GAPDH: variants seen among roughly 807,000 people sequenced by gnomAD.
GAPDH encodes OCAS, p38 component.
GAPDH carries 13 observed loss-of-function variants against 31.2 expected under a neutral mutation model. The ratio of observed to expected loss-of-function variants is 0.42; its 90% CI spans 0.27 to 0.66. The LOEUF (loss-of-function observed/expected upper bound fraction) is 0.66. Among genes scored for constraint, GAPDH ranks in the 30% least tolerant of loss-of-function variants. The pLI is 0.26. For missense variants in GAPDH, 300 were observed against 443.7 expected (o/e 0.68, Z 2.91); for synonymous variants, 211 against 166.9 (o/e 1.26, Z -2.04).
Position 6,536,575 on chromosome 12 carries a change from C to A in GAPDH, c.111C>A (p.Phe37Leu). Residue 37 changes from phenylalanine (F) to leucine (L), a missense_variant, in exon 3 of 9, where the codon TTC becomes TTA. Phe to Leu is a conservative substitution (Grantham distance 22). Coordinates refer to ENST00000229239, the MANE Select transcript of GAPDH (RefSeq NM_002046.7). ...KVDIVAINDP[F>L]IDLNYMVYMF... is the part of the protein sequence containing the mutation. Reference sequence around the variant, plus strand: ...ATATTGTTGCCATCAATGACCCCTTCATTGACCTCAACTACATGGTGAGTG... The same window carrying A: ...ATATTGTTGCCATCAATGACCCCTTAATTGACCTCAACTACATGGTGAGTG... 1 of 1,613,802 alleles carries A rather than the reference C, an allele frequency of 6.2e-7. No individual in the cohort carries two copies. Among genetic ancestry groups the A allele is most frequent in the East Asian group, 2.2e-5 (1 of 44,884 alleles).
In GAPDH at chr12:6,538,230, G is replaced by A; in HGVS notation, c.*60G>A. On this transcript the variant is annotated 3_prime_UTR_variant, in exon 9 of 9. Coordinates refer to ENST00000229239, the MANE Select transcript of GAPDH (RefSeq NM_002046.7). ...GAGGAAGAGAGAGACCCTCACTGCT[G>A]GGGAGTCCCTGCCACACTCAGTCCC... 1 of 1,367,322 alleles carries A rather than the reference G, an allele frequency of 7.3e-7. No homozygotes were observed. The highest frequency in any genetic ancestry group is 1.0e-6 in the Non-Finnish European group (1 of 970,616). 84.7% of individuals were successfully genotyped at this position (1,367,322 alleles called of 1,614,324 possible).
At chr12:6,534,595 G>A in intron 1 of GAPDH, 26 bp downstream of exon 1, 1 of 562,290 alleles carries the variant, frequency 1.8e-6, no homozygotes, top group South Asian at 2.1e-5. Flanking sequence ...GAGAAACCCG[G>A]GAGGCTAGGG....
chr12:6,536,369 T>C (rs1034235925), intron 2 of GAPDH, 125 bp from the exon 3 acceptor site: 3 of 722,904 alleles, frequency 4.1e-6, no homozygotes, highest in Non-Finnish European at 7.3e-6. Context: ...AAATTCAACC[T>C]CTTGGGCCCT....
At chr12:6,536,306 T>C (rs1196312419) in intron 2 of GAPDH, among the ~76,000 whole-genome samples, 188 bp from the exon 3 acceptor site, 2 of 152,172 alleles carry the variant, frequency 1.3e-5, no homozygotes, top group Non-Finnish European at 2.9e-5. Context: ...GAGCCTTCAG[T>C]TGCAGCCATG....
At chr12:6,536,408 C>T (rs754683710) in intron 2 of GAPDH, 86 bp from the exon 3 acceptor site, 31 of 944,092 alleles carry the variant, frequency 3.3e-5, no homozygotes, top group Non-Finnish European at 4.5e-5. Context: ...CTGCATTCGC[C>T]CTCTTAATGG....
chr12:6,537,497 G>A lies in GAPDH; in HGVS notation c.526-87G>A. 6.3e-7 allele frequency: 1 copy of A among 1,584,846 alleles called. No individual in the cohort carries two copies. Among genetic ancestry groups the A allele is most frequent in the Non-Finnish European group, 8.6e-7 (1 of 1,161,306 alleles). The stretch of plus-strand genomic sequence containing the variant: ...CCTGGGGTTGGGGGTTCTGGGGACT[G>A]GCTTTCCCATAATTTCCTTTCAAGG... On this transcript the variant is annotated intron_variant, in intron 7 of 8. Coordinates refer to ENST00000229239, the MANE Select transcript of GAPDH (RefSeq NM_002046.7). The surrounding 1 kb of genome is among the most constrained non-coding windows in gnomAD (Gnocchi z 4.9).
intron 1 of GAPDH, 21 bp downstream of exon 1, chr12:6,534,590 A>G: frequency 1.1e-5 from 6 of 554,150 alleles, no homozygotes; most frequent in South Asian, 2.1e-5. Context: ...GCGGAGAGAA[A>G]CCCGGGAGGC....
intron 2 of GAPDH, chr12:6,535,239 G>C (rs1395399082): frequency 4.6e-6 from 5 of 1,079,534 alleles, no homozygotes; most frequent in Non-Finnish European, 5.6e-6. Context: ...GCCCCGGGAT[G>C]CTAGTGCGCA....
chr12:6,535,716 G>A (rs979864438), intron 2 of GAPDH, among the ~76,000 whole-genome samples: 1 of 152,120 alleles, frequency 6.6e-6, no homozygotes, highest in African/African-American at 2.4e-5. Context: ...AAATGTCACC[G>A]GGAGGATTGG....
intron 1 of GAPDH, 65 bp downstream of exon 1, chr12:6,534,634 A>G (rs1488241918): frequency 4.4e-5 from 27 of 618,526 alleles, no homozygotes. Context: ...GGGCGGGCGC[A>G]GGCCGGATGT....
chr12:6,535,047 T>C, intron 2 of GAPDH, 186 bp downstream of exon 2: 1 of 807,606 alleles, frequency 1.2e-6, no homozygotes, highest in Non-Finnish European at 1.9e-6. Context: ...CCTGTGCAGC[T>C]CCGCCCTTGC....
intron 1 of GAPDH, 94 bp from the exon 2 acceptor site, chr12:6,534,716 C>CGGGCTGGGCATGGA: frequency 6.4e-6 from 7 of 1,086,990 alleles, no homozygotes; most frequent in Non-Finnish European, 8.2e-6. Context: ...TGATGCGGCG[C>CGGGCTGGGCATGGA]GGGCTGGGCA....
chr12:6,538,028 A>G (rs1253820468), intron 8 of GAPDH, 32 bp downstream of exon 8: 1 of 1,596,520 alleles, frequency 6.3e-7, no homozygotes, highest in African/African-American at 1.3e-5. Context: ...CTGGCTCTTA[A>G]AAAGTGCAGG....
intron 2 of GAPDH, 63 bp downstream of exon 2, chr12:6,534,924 C>T: frequency 1.9e-6 from 3 of 1,568,474 alleles, no homozygotes; most frequent in South Asian, 2.2e-5. Flanking sequence ...GTCTACGAGC[C>T]TTGCGGGCTC....
At chr12:6,535,209 C>T (rs896229685) in intron 2 of GAPDH, 3 of 1,103,998 alleles carry the variant, frequency 2.7e-6, no homozygotes, top group Non-Finnish European at 3.3e-6. Flanking sequence ...GCCCCTCCCC[C>T]ACGGCCTCCG....
Position 6,535,223 on chromosome 12 carries a change from C to A in GAPDH, c.29+362C>A, listed in dbSNP as rs1044855297. The A allele has an allele frequency of 3.7e-6, 4 of 1,093,864 alleles. No individual in the cohort carries two copies. The South Asian group carries it at 1.0e-4, about 28-fold the overall frequency. The allele number at this position is 1,093,864 out of a possible 1,614,324, so 67.8% of individuals were successfully genotyped here. ...AGCCCCTCCCCCACGGCCTCCGGCA[C>A]CGCAGGCCCCGGGATGCTAGTGCGC... is the stretch of plus-strand genomic sequence containing the variant. On this transcript the variant is annotated intron_variant, in intron 2 of 8. Coordinates refer to ENST00000229239, the MANE Select transcript of GAPDH (RefSeq NM_002046.7).
chr12:6,534,951 TATGGGGGCAGGG>T, intron 2 of GAPDH, 90 bp downstream of exon 2: 1 of 1,395,340 alleles, frequency 7.2e-7, no homozygotes, highest in South Asian at 1.2e-5. Flanking sequence ...TTTGCAGTCG[TATGGGGGCAGGG>T]TAGCTGTTCC....
chr12:6,536,896 C>A, intron 4 of GAPDH, 24 bp from the exon 5 acceptor site: 2 of 1,593,890 alleles, frequency 1.3e-6, no homozygotes, highest in African/African-American at 1.3e-5. Context: ...TGGTCCTGTC[C>A]CCATCTCCCC....
At chr12:6,536,364 C>A in intron 2 of GAPDH, 130 bp from the exon 3 acceptor site, 1 of 697,324 alleles carries the variant, frequency 1.4e-6, no homozygotes, top group Non-Finnish European at 2.5e-6. Context: ...AGATAAAATT[C>A]AACCTCTTGG....
Sources: gnomAD v4.1 joint callset for allele counts (sites outside exome capture counted in the v4.1 genomes callset) on GRCh38, gnomAD v4.1.1 for gene constraint, Gnocchi (gnomAD v3.1) non-coding constraint, MANE v1.5 for transcripts, NCBI Gene and HGNC (gene_info 2026-07-23, HGNC 2026-07-21) for gene names.